RIMS2: variants seen among roughly 807,000 people sequenced by gnomAD.
RIMS2 encodes regulating synaptic membrane exocytosis 2.
RIMS2 carries 59 observed loss-of-function variants against 174.4 expected under a neutral mutation model. The observed-to-expected ratio is 0.34, with a 90% confidence interval of 0.27 to 0.42. RIMS2 has a LOEUF of 0.42. RIMS2 is among the 10% of genes least tolerant of loss of function. The probability of loss-of-function intolerance (pLI) is 1.00; values close to 1 mark genes in which losing one functional copy is unlikely to be tolerated. For missense variants in RIMS2, 1,620 were observed against 1,666.3 expected (o/e 0.97, Z 0.48); for synonymous variants, 606 against 572.5 (o/e 1.06, Z -0.84).
intron 19 of RIMS2, among the ~76,000 whole-genome samples, chr8:104,188,940 ATAT>A (rs1190559696): frequency 6.6e-6 from 1 of 151,942 alleles, no homozygotes; most frequent in Non-Finnish European, 1.5e-5. Flanking sequence ...TGAATTACAA[ATAT>A]TAGACTTTCA....
At chr8:103,753,294 C>A (rs914188399) in intron 2 of RIMS2, among the ~76,000 whole-genome samples, 4 of 152,152 alleles carry the variant, frequency 2.6e-5, no homozygotes, top group African/African-American at 9.7e-5. Context: ...TCCACTTGAT[C>A]ATGGTGGATA....
At chr8:104,043,321 A>G (rs1293380724) in intron 19 of RIMS2, among the ~76,000 whole-genome samples, 2 of 151,700 alleles carry the variant, frequency 1.3e-5, no homozygotes, top group Non-Finnish European at 3.0e-5. Context: ...AAGAATGGTT[A>G]TAGTTTAGCT....
chr8:104,093,754 C>A, intron 19 of RIMS2, 111 bp downstream of exon 24: 1 of 806,142 alleles, frequency 1.2e-6, no homozygotes, highest in Non-Finnish European at 1.8e-6. Context: ...TATTTTAAAG[C>A]CAGGGGAGCT....
chr8:103,552,895 G>A (rs1169630150), intron 1 of RIMS2, among the ~76,000 whole-genome samples: 1 of 152,148 alleles, frequency 6.6e-6, no homozygotes, highest in East Asian at 1.9e-4. Flanking sequence ...ACCACAATGA[G>A]ATACCATCTC....
chr8:104,169,635 G>C (rs2098820556), intron 19 of RIMS2, among the ~76,000 whole-genome samples: 3 of 151,718 alleles, frequency 2.0e-5, no homozygotes, highest in South Asian at 4.2e-4. Flanking sequence ...CCAGCTTTTT[G>C]TTTTATTTAT....
Position 104,022,091 on chromosome 8 carries a change from C to T in RIMS2, c.3334+7476C>T, listed in dbSNP as rs563669480. ...ATCTCAAAAGACCATATTAGGTTTA[C>T]AATAGTGATGTTATCTACAGAAGTA... On this transcript the variant is annotated intron_variant, in intron 19 of 23. Coordinates refer to ENST00000504942, the Ensembl canonical transcript of RIMS2. 3.9e-5 allele frequency among the ~76,000 whole-genome samples: 6 copies of T among 152,040 alleles called. 1 individual carries two copies. In the South Asian group the frequency reaches 1.2e-3, roughly 32 times the overall value.
At chr8:103,955,909 G>A (rs1203487348) in intron 14 of RIMS2, among the ~76,000 whole-genome samples, 2 of 152,132 alleles carry the variant, frequency 1.3e-5, no homozygotes, top group Non-Finnish European at 2.9e-5. Flanking sequence ...AAAGTCTCAG[G>A]ATACAAAATC....
intron 2 of RIMS2, among the ~76,000 whole-genome samples, chr8:103,713,249 C>G (rs544868643): frequency 3.2e-4 from 49 of 152,292 alleles, no homozygotes; most frequent in African/African-American, 1.2e-3. Flanking sequence ...GAACTACTGA[C>G]CTCAGGTGAT....
intron 19 of RIMS2, among the ~76,000 whole-genome samples, chr8:104,183,915 A>G (rs533026401): frequency 1.3e-5 from 2 of 151,776 alleles, no homozygotes; most frequent in Middle Eastern, 3.4e-3. Context: ...TGAAAGCAAC[A>G]TATTTTGGTA....
intron 1 of RIMS2, among the ~76,000 whole-genome samples, chr8:103,526,669 T>C (rs1018963213): frequency 4.6e-5 from 7 of 152,154 alleles, no homozygotes; most frequent in Non-Finnish European, 7.4e-5. Context: ...ATTGAATGTA[T>C]TTAACAGCAT....
At chr8:103,501,150 G>T (rs1226893517) in intron 1 of RIMS2, 88 bp downstream of exon 1, 6 of 1,059,904 alleles carry the variant, frequency 5.7e-6, no homozygotes, top group Non-Finnish European at 5.1e-6. Context: ...GCCCCAGTTC[G>T]CCGCCCTCCC....
chr8:103,878,053 G>T (rs750260803), intron 3 of RIMS2, among the ~76,000 whole-genome samples: 2 of 151,894 alleles, frequency 1.3e-5, no homozygotes, highest in South Asian at 2.1e-4. Flanking sequence ...ATTTATGGCG[G>T]TGGTTTCTCC....
intron 12 of RIMS2, among the ~76,000 whole-genome samples, chr8:103,935,568 G>A (rs895753338): frequency 6.6e-6 from 1 of 152,278 alleles, no homozygotes; most frequent in South Asian, 2.1e-4. Context: ...GTTGTGCTGA[G>A]ATAATTTGTA....
At chr8:103,712,992 TTTCC>T (rs933682529) in intron 2 of RIMS2, among the ~76,000 whole-genome samples, 1 of 152,048 alleles carries the variant, frequency 6.6e-6, no homozygotes, top group East Asian at 1.9e-4. Context: ...GGATTTTTCT[TTTCC>T]TTCCTTCCTT....
At chr8:104,030,416 T>C (rs1356248972) in intron 19 of RIMS2, among the ~76,000 whole-genome samples, 1 of 152,164 alleles carries the variant, frequency 6.6e-6, no homozygotes, top group Non-Finnish European at 1.5e-5. Context: ...GAAAGACAAG[T>C]TATAAGATAT....
intron 3 of RIMS2, among the ~76,000 whole-genome samples, chr8:103,821,647 G>C (rs1564763258): frequency 6.6e-6 from 1 of 151,414 alleles, no homozygotes. Flanking sequence ...TAATTTTTTG[G>C]TTATTTTTTG....
intron 3 of RIMS2, among the ~76,000 whole-genome samples, chr8:103,832,699 T>C (rs756215291): frequency 1.3e-4 from 20 of 152,224 alleles, no homozygotes; most frequent in Non-Finnish European, 2.4e-4. Flanking sequence ...TACATGTCCC[T>C]GCAATAGACA....
chr8:104,162,334 C>A (rs374627821), intron 19 of RIMS2, among the ~76,000 whole-genome samples: 4 of 152,056 alleles, frequency 2.6e-5, no homozygotes, highest in East Asian at 1.9e-4. Context: ...CCAAAGAACA[C>A]CCACAGTTAT....
At chr8:103,852,165 T>C (rs1016773730) in intron 3 of RIMS2, among the ~76,000 whole-genome samples, 1 of 151,990 alleles carries the variant, frequency 6.6e-6, no homozygotes, top group Admixed American at 6.6e-5. Context: ...GTTTTTTCTC[T>C]TATGTCAGAA....
Sources: gnomAD v4.1 joint callset for allele counts (sites outside exome capture counted in the v4.1 genomes callset) on GRCh38, gnomAD v4.1.1 for gene constraint, MANE v1.5 for transcripts, NCBI Gene and HGNC (gene_info 2026-07-23, HGNC 2026-07-21) for gene names.